MRPL19: variants seen among roughly 807,000 people sequenced by gnomAD.
MRPL19 encodes the protein mitochondrial ribosomal protein L19.
MRPL19 carries 31 observed loss-of-function variants against 34.0 expected under a neutral mutation model. The observed-to-expected ratio is 0.91, with a 90% CI of 0.68 to 1.23. The LOEUF (loss-of-function observed/expected upper bound fraction) is 1.23. MRPL19 is among the 50% of genes most tolerant of loss of function. MRPL19 has a pLI of 0.00. For synonymous variants in MRPL19, 152 were observed against 127.7 expected, an observed-to-expected ratio of 1.19 and a Z score of -1.28; for missense variants, 384 against 367.6, an observed-to-expected ratio of 1.04 and a Z score of -0.37.
At chr2:75,647,400 T>C (rs768737613) in intron 2 of MRPL19, 181 bp downstream of exon 2, 6 of 594,248 alleles carry the variant, frequency 1.0e-5, no homozygotes, top group Non-Finnish European at 1.4e-5. Flanking sequence ...CAAGCCAGCA[T>C]TGAACTTCTT....
rs780152466 is a variant in MRPL19 at position 75,652,597 on chromosome 2, C to T, written c.415C>T (p.Gln139Ter). Reference sequence around the variant, plus strand: ...CAGCCAGTTTCTGGGGATTTGCATTCAGAGATCAGGAAGAGGACTTGGAGC... The same window carrying T: ...CAGCCAGTTTCTGGGGATTTGCATTTAGAGATCAGGAAGAGGACTTGGAGC... The part of the protein sequence containing the change: ...KISQFLGICI[Q>*]RSGRGLGATF... The change falls in exon 4 of 6, where the codon CAG (glutamine) becomes TAG (stop). Residue 139 changes from glutamine (Q) to a stop codon, truncating the protein, a stop_gained. Transcript: ENST00000393909. LOFTEE classifies it high-confidence loss of function. 2 of 1,613,804 alleles carry T rather than the reference C, an allele frequency of 1.2e-6. No homozygotes were observed.
At chr2:75,647,628 T>G (rs1278106085) in intron 2 of MRPL19, 1 of 159,836 alleles carries the variant, frequency 6.3e-6, no homozygotes, top group Non-Finnish European at 1.4e-5. Context: ...GTTGGAAGTT[T>G]TGGCAGACAA....
rs1678556679 is a variant in MRPL19, at chr2:75,659,697, A to G, written c.*4412A>G. Among the ~76,000 whole-genome samples, 1 of 152,198 alleles carries G rather than the reference A, an allele frequency of 6.6e-6. No individual in the cohort carries two copies. The highest frequency in any genetic ancestry group is 1.5e-5 in the Non-Finnish European group (1 of 68,030). ...TTCAGCACTTTAAATATGTCATCCC[A>G]CTACCTTCTGACTTCATGGTTTCTC... On this transcript the variant is annotated 3_prime_UTR_variant, in exon 6 of 6. Coordinates refer to ENST00000393909, the MANE Select transcript of MRPL19 (RefSeq NM_014763.4).
rs1006347616 is a variant in MRPL19 at position 75,661,853 on chromosome 2, A to T, written c.*6568A>T. 1.3e-5 allele frequency: 2 copies of T among 152,190 alleles called. No individual in the cohort carries two copies. Among genetic ancestry groups the T allele is most frequent in the African/African-American group, 4.8e-5 (2 of 41,448 alleles). 9.4% of individuals were successfully genotyped at this position (152,190 alleles called of 1,614,324 possible). A position where few individuals can be genotyped will look rare whatever the true frequency, so the allele number is the denominator to read the frequency against. On this transcript the variant is annotated 3_prime_UTR_variant, in exon 6 of 6. Transcript: ENST00000393909. ...TGTTTCAATGTTTATGCCTTCTTTT[A>T]TCTTGACTGATTGTATGACTATGTC...
intron 3 of MRPL19, 29 bp from the exon 4 acceptor site, chr2:75,652,494 A>C (rs1678353803): frequency 1.2e-6 from 2 of 1,601,980 alleles, no homozygotes; most frequent in South Asian, 2.3e-5. Context: ...GTGCTGAAAA[A>C]AAAGTTCACT....
chr2:75,648,461 T>C (rs779804478), intron 2 of MRPL19, among the ~76,000 whole-genome samples: 14 of 152,036 alleles, frequency 9.2e-5, no homozygotes, highest in Non-Finnish European at 1.9e-4. Context: ...CAGTGAAAAA[T>C]GAGTGAATTA....
chr2:75,652,100 C>T, intron 2 of MRPL19, 42 bp from the exon 3 acceptor site: 4 of 1,217,222 alleles, frequency 3.3e-6, no homozygotes, highest in South Asian at 1.6e-5. Flanking sequence ...TTCTAGCAGC[C>T]TTTTGAGTTT....
At chr2:75,651,317 C>T (rs757916) in intron 2 of MRPL19, 50,518 of 519,084 alleles carry the variant, frequency 0.097, 2,924 homozygotes, top group Non-Finnish European at 0.12. Context: ...TAGGTCTCTC[C>T]TCGACTTTTC....
intron 5 of MRPL19, 47 bp downstream of exon 5, chr2:75,654,964 AAG>A: frequency 1.3e-6 from 2 of 1,553,746 alleles, no homozygotes; most frequent in East Asian, 4.5e-5. Flanking sequence ...TAAAATAAGA[AAG>A]AAAGAATCAT....
chr2:75,652,453 A>G (rs1678352615), intron 3 of MRPL19, 70 bp from the exon 4 acceptor site: 3 of 1,539,476 alleles, frequency 1.9e-6, no homozygotes, highest in East Asian at 2.3e-5. Flanking sequence ...TTGTTTCTGC[A>G]TCTTATATAA....
rs1446808224 is a variant in MRPL19, at chr2:75,660,599, A to G, written c.*5314A>G. 1 of 152,152 alleles carries G rather than the reference A, an allele frequency of 6.6e-6. No homozygotes were observed. The highest frequency in any genetic ancestry group is 1.5e-5 in the Non-Finnish European group (1 of 68,028). The allele number at this position is 152,152 out of a possible 1,614,324, so 9.4% of individuals were successfully genotyped here. A position where few individuals can be genotyped will look rare whatever the true frequency, so the allele number is the denominator to read the frequency against. On this transcript the variant is annotated 3_prime_UTR_variant, in exon 6 of 6. Coordinates refer to ENST00000393909, the MANE Select transcript of MRPL19 (RefSeq NM_014763.4). ...AAAGACTGTATTCCTTCTGTGTGTCATCACTGAAGTCTCTGTTCCTTAGTT... is the reference window on the plus strand; with the variant it reads ...AAAGACTGTATTCCTTCTGTGTGTCGTCACTGAAGTCTCTGTTCCTTAGTT...
At position 75,655,446 on chromosome 2, in the gene MRPL19, T is replaced by C; in HGVS notation, c.*161T>C. 1.7e-6 allele frequency: 1 copy of C among 600,534 alleles called. No homozygotes were observed. Among genetic ancestry groups the C allele is most frequent in the Non-Finnish European group, 2.8e-6 (1 of 352,572 alleles). 37.2% of individuals were successfully genotyped at this position (600,534 alleles called of 1,614,324 possible). On this transcript the variant is annotated 3_prime_UTR_variant, in exon 6 of 6. Coordinates refer to ENST00000393909, the MANE Select transcript of MRPL19 (RefSeq NM_014763.4). Reference sequence around the variant, plus strand: ...TTCTAAAATAAAACTTGTACACCAGTTTATTACTCTAAAAAGAGAATTACA... The same window carrying C: ...TTCTAAAATAAAACTTGTACACCAGCTTATTACTCTAAAAAGAGAATTACA...
intron 2 of MRPL19, among the ~76,000 whole-genome samples, chr2:75,648,549 T>A (rs1168900569): frequency 1.3e-5 from 2 of 152,144 alleles, no homozygotes; most frequent in Non-Finnish European, 2.9e-5. Context: ...TGTAGTAGGA[T>A]GCTATTTTTA....
rs1052363734 is a variant in MRPL19 at position 75,656,738 on chromosome 2, A to T, written c.*1453A>T. ...TGATGATGTGTCTTGGTGTGGGTCT[A>T]TATTTATCCATTGTATTGGGTTTTA... is the stretch of plus-strand genomic sequence containing the variant. On this transcript the variant is annotated 3_prime_UTR_variant, in exon 6 of 6. Transcript: ENST00000393909. 6.6e-6 allele frequency: 1 copy of T among 152,046 alleles called. No individual in the cohort carries two copies. Among genetic ancestry groups the T allele is most frequent in the African/African-American group, 2.4e-5 (1 of 41,404 alleles). 9.4% of individuals were successfully genotyped at this position (152,046 alleles called of 1,614,324 possible).
Position 75,660,612 on chromosome 2 carries a change from C to CT in MRPL19, c.*5328dup, listed in dbSNP as rs759208890. 2.6e-5 allele frequency: 4 copies of CT among 152,192 alleles called. No individual in the cohort carries two copies. The highest frequency in any genetic ancestry group is 5.9e-5 in the Non-Finnish European group (4 of 68,040). 9.4% of individuals were successfully genotyped at this position (152,192 alleles called of 1,614,324 possible). On this transcript the variant is annotated 3_prime_UTR_variant, in exon 6 of 6. Transcript: ENST00000393909. ...CTTCTGTGTGTCATCACTGAAGTCT[C>CT]TGTTCCTTAGTTTGTGTTTAATAGT...
intron 4 of MRPL19, among the ~76,000 whole-genome samples, chr2:75,654,020 G>A (rs1207147880): frequency 6.6e-6 from 1 of 152,088 alleles, no homozygotes; most frequent in African/African-American, 2.4e-5. Flanking sequence ...CATTTCTGGT[G>A]GCTTATTCTG....
At position 75,656,627 on chromosome 2, in the gene MRPL19, T is replaced by C. The variant is rs1678459709; in HGVS notation, c.*1342T>C. ...AGGAGGTAATTTTCCTTCAGGACTT[T>C]AAAAATATTGTTGCTCCATTTTCTT... On this transcript the variant is annotated 3_prime_UTR_variant, in exon 6 of 6. Transcript: ENST00000393909. The C allele has an allele frequency of 1.3e-5, 2 of 152,152 alleles. No individual in the cohort carries two copies. Among genetic ancestry groups the C allele is most frequent in the South Asian group, 4.1e-4 (2 of 4,826 alleles). The allele number at this position is 152,152 out of a possible 1,614,324, so 9.4% of individuals were successfully genotyped here. A position where few individuals can be genotyped will look rare whatever the true frequency, so the allele number is the denominator to read the frequency against.
chr2:75,648,520 A>T (rs573786213), intron 2 of MRPL19, among the ~76,000 whole-genome samples: 2 of 152,336 alleles, frequency 1.3e-5, no homozygotes, highest in South Asian at 4.1e-4. Context: ...TGTGTAAAAA[A>T]AACCTTTAGA....
chr2:75,655,761 G>GT lies in MRPL19; in HGVS notation c.*477dup, dbSNP rs1177849728. Reference sequence around the variant, plus strand: ...AGAAGACTCCAGTAAATCTGCAATTGTATCTCTCTCCTTTTTAAATGTAAA... The same window carrying GT: ...AGAAGACTCCAGTAAATCTGCAATTGTTATCTCTCTCCTTTTTAAATGTAAA... On this transcript the variant is annotated 3_prime_UTR_variant, in exon 6 of 6. Transcript: ENST00000393909. 2.0e-5 allele frequency: 3 copies of GT among 152,062 alleles called. No individual in the cohort carries two copies. The allele number at this position is 152,062 out of a possible 1,614,324, so 9.4% of individuals were successfully genotyped here. A position where few individuals can be genotyped will look rare whatever the true frequency, so the allele number is the denominator to read the frequency against.
Sources: gnomAD v4.1 joint callset for allele counts (sites outside exome capture counted in the v4.1 genomes callset) on GRCh38, gnomAD v4.1.1 for gene constraint, MANE v1.5 for transcripts, NCBI Gene and HGNC (gene_info 2026-07-23, HGNC 2026-07-21) for gene names.